Variants in TBX15 observed in about 807,000 individuals in gnomAD.
TBX15 encodes the protein T-box transcription factor 15.
TBX15 carries 18 observed loss-of-function variants against 53.9 expected under a neutral mutation model. The observed-to-expected ratio is 0.33, with a 90% CI of 0.23 to 0.49. The LOEUF (loss-of-function observed/expected upper bound fraction) is 0.49. TBX15 is among the 20% of genes least tolerant of loss of function. TBX15 has a pLI of 0.98. For missense variants in TBX15, 692 were observed against 749.5 expected (o/e 0.92, Z 0.90); for synonymous variants, 295 against 278.0 (o/e 1.06, Z -0.61).
intron 6 of TBX15, among the ~76,000 whole-genome samples, chr1:118,907,501 T>C (rs1380047705): frequency 6.6e-6 from 1 of 152,234 alleles, no homozygotes; most frequent in Non-Finnish European, 1.5e-5. Flanking sequence ...GATGGCTTGA[T>C]AGGAAGAAGT....
intron 1 of TBX15, among the ~76,000 whole-genome samples, chr1:118,977,453 T>C (rs1434718458): frequency 2.0e-5 from 3 of 152,252 alleles, no homozygotes; most frequent in Non-Finnish European, 4.4e-5. Flanking sequence ...GTTCTGGAGA[T>C]ACAAAAACAA....
At position 118,969,126 on chromosome 1, in the gene TBX15, A is replaced by G. The variant is rs904020158; in HGVS notation, c.205+18465T>C. Among the ~76,000 whole-genome samples the G allele has an allele frequency of 2.0e-5, 3 of 152,188 alleles. 1 individual carries two copies. Among genetic ancestry groups the G allele is most frequent in the Non-Finnish European group, 4.4e-5 (3 of 68,042 alleles). On this transcript the variant is annotated intron_variant, in intron 1 of 7. Coordinates refer to ENST00000369429, the MANE Select transcript of TBX15 (RefSeq NM_001330677.2). ...GATTATCTGCACCATGTTCCTTAGC[A>G]TCGTGGACAAATGGACTCATTCCCT...
At chr1:118,984,875 A>G (rs532381458) in intron 1 of TBX15, among the ~76,000 whole-genome samples, 22 of 152,246 alleles carry the variant, frequency 1.4e-4, no homozygotes, top group Admixed American at 3.9e-4. Context: ...TTGGTGCCCC[A>G]AGCTGCGGGT....
At chr1:118,893,270 G>GA in intron 7 of TBX15, among the ~76,000 whole-genome samples, 1 of 10,110 alleles carries the variant, frequency 9.9e-5, no homozygotes, top group African/African-American at 2.7e-4. Context: ...AAGAAAGGAA[G>GA]AAGGAAGGAA....
At chr1:118,983,443 C>A (rs1439686923) in intron 1 of TBX15, among the ~76,000 whole-genome samples, 1 of 152,174 alleles carries the variant, frequency 6.6e-6, no homozygotes, top group Non-Finnish European at 1.5e-5. Context: ...CCCGCGCACC[C>A]AAAGGGCGTC....
At chr1:118,969,515 G>A (rs1042437440) in intron 1 of TBX15, among the ~76,000 whole-genome samples, 1 of 152,050 alleles carries the variant, frequency 6.6e-6, no homozygotes, top group Non-Finnish European at 1.5e-5. Flanking sequence ...CATCAAATTG[G>A]GTCCTTCATG....
Position 118,885,267 on chromosome 1 carries a change from T to C in TBX15, c.1274A>G (p.Gln425Arg). Residue 425 changes from glutamine (Q) to arginine (R), a missense_variant, in exon 8 of 8, where the codon CAG becomes CGG. Coordinates refer to ENST00000369429, the MANE Select transcript of TBX15 (RefSeq NM_001330677.2). ...CTGAGTGGCTGAAGTGGTGCCACTCTGAAGCCTGTTGTAGCCACTGTCACT... is the reference window on the plus strand; with the variant it reads ...CTGAGTGGCTGAAGTGGTGCCACTCCGAAGCCTGTTGTAGCCACTGTCACT... Reference protein sequence around the residue: ...GLSDSGYNRLQSGTTSATQPS... With the variant: ...GLSDSGYNRLRSGTTSATQPS... 1.9e-6 allele frequency: 3 copies of C among 1,614,124 alleles called. No homozygotes were observed. The highest frequency in any genetic ancestry group is 1.7e-5 in the Admixed American group (1 of 60,024).
At chr1:118,961,675 A>G (rs568733555) in intron 1 of TBX15, among the ~76,000 whole-genome samples, 134 of 152,196 alleles carry the variant, frequency 8.8e-4, no homozygotes, top group Non-Finnish European at 1.6e-3. Context: ...AAAATTTCCT[A>G]TCTAGTACTA....
At chr1:118,902,652 C>G (rs1207023488) in intron 6 of TBX15, among the ~76,000 whole-genome samples, 1 of 152,152 alleles carries the variant, frequency 6.6e-6, no homozygotes, top group African/African-American at 2.4e-5. Context: ...CCTTTATTAA[C>G]TTCAGGTTCA....
At chr1:118,958,915 G>T (rs2101673533) in intron 1 of TBX15, among the ~76,000 whole-genome samples, 1 of 152,276 alleles carries the variant, frequency 6.6e-6, no homozygotes, top group South Asian at 2.1e-4. Flanking sequence ...ATTGGTAAAA[G>T]ATGGGTAGAA....
In TBX15 at chr1:118,893,489, A is replaced by AAG. The variant is rs1557872797; in HGVS notation, c.1024+5538_1024+5539insCT. Among the ~76,000 whole-genome samples, 289 of 72,248 alleles carry AAG rather than the reference A, an allele frequency of 4.0e-3. 2 individuals carry two copies. The highest frequency in any genetic ancestry group is 5.3e-3 in the Non-Finnish European group (212 of 39,836). The allele number at this position is 72,248 out of a possible 152,430, so 47.4% of individuals were successfully genotyped here. ...AGAAAGGAAGGAAGGAAGGAAGGAA[A>AAG]GAAAGAAAGAAAGAAAGAAAGAAAG... is the stretch of plus-strand genomic sequence containing the variant. On this transcript the variant is annotated intron_variant, in intron 7 of 7. Coordinates refer to ENST00000369429, the MANE Select transcript of TBX15 (RefSeq NM_001330677.2).
At chr1:118,924,858 C>A in intron 3 of TBX15, 41 bp from the exon 4 acceptor site, 1 of 1,611,526 alleles carries the variant, frequency 6.2e-7, no homozygotes, top group Non-Finnish European at 8.5e-7. Context: ...GAGACAGAGG[C>A]AGAGAAGGGA....
At chr1:118,907,050 T>C (rs1325415479) in intron 6 of TBX15, among the ~76,000 whole-genome samples, 1 of 152,208 alleles carries the variant, frequency 6.6e-6, no homozygotes, top group African/African-American at 2.4e-5. Context: ...AATGGTGGAT[T>C]CGAAAGAGAA....
intron 1 of TBX15, among the ~76,000 whole-genome samples, chr1:118,953,079 G>GAAA (rs60529520): frequency 2.4e-4 from 33 of 138,490 alleles, no homozygotes; most frequent in East Asian, 8.2e-4. Flanking sequence ...AATAGTTTCT[G>GAAA]AAAAAAAAAA....
chr1:118,977,240 ATAGAG>A (rs1657463921), intron 1 of TBX15, among the ~76,000 whole-genome samples: 1 of 152,192 alleles, frequency 6.6e-6, no homozygotes, highest in Non-Finnish European at 1.5e-5. Context: ...TGATAATAAG[ATAGAG>A]TATTTTGTGA....
At chr1:118,928,015 T>C (rs973562388) in intron 2 of TBX15, among the ~76,000 whole-genome samples, 16 of 152,206 alleles carry the variant, frequency 1.1e-4, no homozygotes, top group African/African-American at 3.9e-4. Context: ...TATGGCCTAA[T>C]TGGCTTTGCT....
chr1:118,955,176 G>A (rs1000131582), intron 1 of TBX15, among the ~76,000 whole-genome samples: 5 of 151,974 alleles, frequency 3.3e-5, no homozygotes, highest in African/African-American at 1.2e-4. Context: ...TATCTAAAAG[G>A]GGCTTTTAAA....
intron 5 of TBX15, among the ~76,000 whole-genome samples, chr1:118,920,592 A>T (rs1557884487): frequency 6.6e-6 from 1 of 152,052 alleles, no homozygotes; most frequent in Non-Finnish European, 1.5e-5. Flanking sequence ...CCAGCACTTG[A>T]CTCCCTAGGC....
At position 118,987,649 on chromosome 1, in the gene TBX15, G is replaced by T; in HGVS notation, c.147C>A (p.Pro49=). The change falls in exon 1 of 8, where the codon CCC becomes CCA. Residue 49 remains proline, a synonymous_variant. Coordinates refer to ENST00000369429, the MANE Select transcript of TBX15 (RefSeq NM_001330677.2). ...CCTCCGTGTCTCCGAGTGGGCCCGC[G>T]GGGCTCAGCGCCTCCATAGACAGGT... ...GLDLSMEALS[P]AGPLGDTEDA... 4.5e-6 allele frequency: 7 copies of T among 1,550,130 alleles called. No homozygotes were observed. Among genetic ancestry groups the T allele is most frequent in the Non-Finnish European group, 5.2e-6 (6 of 1,146,814 alleles).
Sources: gnomAD v4.1 joint callset for allele counts (sites outside exome capture counted in the v4.1 genomes callset) on GRCh38, gnomAD v4.1.1 for gene constraint, MANE v1.5 for transcripts, NCBI Gene and HGNC (gene_info 2026-07-23, HGNC 2026-07-21) for gene names.